The following TSHZ3 variants were observed in gnomAD, a reference collection of about 807,000 sequenced individuals.
TSHZ3 encodes the protein teashirt homolog 3.
A neutral mutation model predicts 64.5 loss-of-function variants in TSHZ3; 10 were observed. The observed-to-expected ratio is 0.16, with a 90% CI of 0.10 to 0.26. TSHZ3 has a LOEUF of 0.26. TSHZ3 is among the 10% of genes least tolerant of loss of function. The pLI, the probability that TSHZ3 is intolerant of heterozygous loss-of-function variation, is 1.00. For synonymous variants in TSHZ3, 608 were observed against 593.1 expected (o/e 1.03, Z -0.36); for missense variants, 1,242 against 1,421.7 (o/e 0.87, Z 2.03).
intron 5 of TSHZ3, among the ~76,000 whole-genome samples, chr19:31,184,485 A>G (rs946011521): frequency 1.1e-4 from 17 of 152,172 alleles, no homozygotes; most frequent in Middle Eastern, 3.2e-3. Context: ...ATACTCTACA[A>G]TCAGGGTGAT....
rs150673453 is a variant in TSHZ3, at chr19:31,263,857, G to A, written n.64-20982C>T. On this transcript the variant is annotated intron_variant and non_coding_transcript_variant, in intron 1 of 6. Coordinates refer to the TSHZ3 transcript ENST00000651361. ...ATTAAATAACTAAATAAAATAAAAC[G>A]GATGAGTGAGGCACCAGAGCTCTAG... 1.8e-4 allele frequency among the ~76,000 whole-genome samples: 27 copies of A among 152,278 alleles called. No individual in the cohort carries two copies. In the East Asian group the frequency reaches 2.7e-3, roughly 15 times the overall value.
chr19:31,311,202 T>A (rs1381209675), intron 1 of TSHZ3, among the ~76,000 whole-genome samples: 1 of 152,224 alleles, frequency 6.6e-6, no homozygotes, highest in Admixed American at 6.5e-5. Flanking sequence ...AAAAAGCAGA[T>A]AAACTTCAAG....
intron 5 of TSHZ3, among the ~76,000 whole-genome samples, chr19:31,175,106 T>C (rs1342974302): frequency 6.6e-6 from 1 of 151,986 alleles, no homozygotes; most frequent in East Asian, 1.9e-4. Flanking sequence ...CATTTGTCTG[T>C]AGGATAAAGG....
At position 31,279,582 on chromosome 19, in the gene TSHZ3, C is replaced by T. The variant is rs1177778601; in HGVS notation, c.211G>A (p.Glu71Lys). 4 of 1,611,440 alleles carry T rather than the reference C, an allele frequency of 2.5e-6. No individual in the cohort carries two copies. Among genetic ancestry groups the T allele is most frequent in the African/African-American group, 1.3e-5 (1 of 74,888 alleles). The stretch of plus-strand genomic sequence containing the variant: ...CTGATGTGTGACTCGCTGTCCATTT[C>T]ATGGCAGGAAAACTCGGCGGCCGGG... ...NSPAAEFSCH[E>K]MDSESHISET... The change falls in exon 2 of 2, where the codon GAA (glutamate) becomes AAA (lysine). Residue 71 changes from glutamate (E) to lysine (K), a missense_variant. Transcript: ENST00000240587. This position sits in a 1 kb window ranked among gnomAD's most constrained non-coding sequence, Gnocchi z 6.4.
chr19:31,349,893 G>A (rs2021656939), upstream of TSHZ3, among the ~76,000 whole-genome samples: 1 of 146,356 alleles, frequency 6.8e-6, no homozygotes, highest in African/African-American at 2.5e-5. Context: ...CCCGCCCGCG[G>A]GGGCGCCGCG....
At chr19:31,182,884 GT>G (rs1295266745) in intron 5 of TSHZ3, among the ~76,000 whole-genome samples, 1 of 152,176 alleles carries the variant, frequency 6.6e-6, no homozygotes, top group Non-Finnish European at 1.5e-5. Context: ...CAGGTAACTG[GT>G]CACACACATC....
chr19:31,196,693 G>A (rs1974998750), intron 5 of TSHZ3, among the ~76,000 whole-genome samples: 1 of 151,878 alleles, frequency 6.6e-6, no homozygotes, highest in African/African-American at 2.4e-5. Flanking sequence ...TTCAGATAGA[G>A]CAAATAAGCT....
rs372251116 is a variant in TSHZ3, at chr19:31,337,720, AACACACAC to A, written c.40+11452_40+11459del. Among the ~76,000 whole-genome samples the A allele has an allele frequency of 4.0e-3, 580 of 146,072 alleles. 4 individuals are homozygous for A. Among genetic ancestry groups the A allele is most frequent in the African/African-American group, 0.014 (543 of 39,522 alleles). On this transcript the variant is annotated intron_variant, in intron 1 of 1. Coordinates refer to ENST00000240587, the MANE Select transcript of TSHZ3 (RefSeq NM_020856.4). ...CTGCGAATAAAGTTATTTCAAAATA[AACACACAC>A]ACACACACACACACACACACACACA...
chr19:31,324,058 A>T (rs1916861367), intron 1 of TSHZ3, among the ~76,000 whole-genome samples: 1 of 152,280 alleles, frequency 6.6e-6, no homozygotes, highest in African/African-American at 2.4e-5. Context: ...ACGTCTCCGC[A>T]GCACCCAATT....
chr19:31,311,795 C>G lies in TSHZ3; in HGVS notation c.41-32043G>C, dbSNP rs189093078. Among the ~76,000 whole-genome samples, 449 of 152,320 alleles carry G rather than the reference C, an allele frequency of 2.9e-3. 4 individuals are homozygous for G. Among genetic ancestry groups the G allele is most frequent in the African/African-American group, 0.01 (436 of 41,566 alleles). ...CTGGAGTGCAGTGGCACTATCTCAG[C>G]TCACTGCAGCCTCCACCTCCCGGGT... On this transcript the variant is annotated intron_variant, in intron 1 of 1. Transcript: ENST00000240587.
chr19:31,250,717 G>A (rs944252418), intron 1 of TSHZ3, among the ~76,000 whole-genome samples: 10 of 152,184 alleles, frequency 6.6e-5, no homozygotes, highest in African/African-American at 2.4e-4. Context: ...GCCGGCTGGC[G>A]CTGTCATCTC....
chr19:31,156,197 CTCTG>C (rs1285512147), intron 6 of TSHZ3, among the ~76,000 whole-genome samples: 4 of 152,190 alleles, frequency 2.6e-5, no homozygotes, highest in African/African-American at 9.6e-5. Flanking sequence ...GAAGGCAGGA[CTCTG>C]TCTGTTGTAT....
intron 4 of TSHZ3, among the ~76,000 whole-genome samples, chr19:31,205,116 T>C (rs570322105): frequency 2.0e-5 from 3 of 152,246 alleles, no homozygotes; most frequent in Admixed American, 6.5e-5. Context: ...GAGGTGCCAT[T>C]CTGGAGAGGT....
intron 3 of TSHZ3, among the ~76,000 whole-genome samples, chr19:31,239,417 T>C (rs1367048608): frequency 1.3e-5 from 2 of 152,182 alleles, no homozygotes; most frequent in African/African-American, 4.8e-5. Context: ...GTTATTTCTT[T>C]CAGCCTGAAT....
At chr19:31,211,430 G>T (rs1241414969) in intron 4 of TSHZ3, among the ~76,000 whole-genome samples, 1 of 152,178 alleles carries the variant, frequency 6.6e-6, no homozygotes, top group Non-Finnish European at 1.5e-5. Flanking sequence ...GCATGGTCAG[G>T]AGTTAGAGGG....
intron 3 of TSHZ3, among the ~76,000 whole-genome samples, chr19:31,234,349 T>C (rs1006916016): frequency 3.3e-5 from 5 of 152,232 alleles, no homozygotes; most frequent in Non-Finnish European, 7.3e-5. Flanking sequence ...AATATTTCTC[T>C]CCTTTTTAAA....
intron 3 of TSHZ3, among the ~76,000 whole-genome samples, chr19:31,240,225 T>C (rs1568356828): frequency 2.6e-5 from 4 of 152,174 alleles, no homozygotes; most frequent in Admixed American, 6.5e-5. Flanking sequence ...CTTTACATTA[T>C]GTAAAATTTT....
intron 5 of TSHZ3, among the ~76,000 whole-genome samples, chr19:31,164,589 G>A (rs1974418401): frequency 1.3e-5 from 2 of 152,106 alleles, no homozygotes; most frequent in Admixed American, 1.3e-4. Context: ...GTCCCAGTCT[G>A]AGCTTCTCCA....
At chr19:31,197,382 T>C (rs535916260) in intron 5 of TSHZ3, among the ~76,000 whole-genome samples, 13 of 151,258 alleles carry the variant, frequency 8.6e-5, no homozygotes, top group African/African-American at 3.1e-4. Context: ...AAATTAATCA[T>C]CTAGGCTTCC....
Sources: allele counts gnomAD v4.1 joint callset (sites outside exome capture counted in the v4.1 genomes callset), GRCh38; gene constraint gnomAD v4.1.1; non-coding constraint Gnocchi (gnomAD v3.1); transcripts MANE v1.5; gene names NCBI Gene and HGNC (gene_info 2026-07-23, HGNC 2026-07-21).